NAA10: variants seen among roughly 807,000 people sequenced by gnomAD.
NAA10 encodes N-alpha-acetyltransferase 10.
NAA10 carries 6 observed loss-of-function variants against 19.2 expected under a neutral mutation model. The observed-to-expected ratio is 0.31, with a 90% CI of 0.17 to 0.62. The LOEUF (loss-of-function observed/expected upper bound fraction) is 0.62, where lower values mean the gene tolerates loss of function less well. Among genes scored for constraint, NAA10 ranks in the 20% least tolerant of loss-of-function variants. The pLI, the probability that NAA10 is intolerant of heterozygous loss-of-function variation, is 0.83. For missense variants in NAA10, 101 were observed against 198.4 expected (o/e 0.51, Z 2.95); for synonymous variants, 97 against 79.9 (o/e 1.21, Z -1.14).
chrX:153,934,328 A>G (rs201112445), intron 2 of NAA10, 49 bp downstream of exon 2: 102 of 1,049,751 alleles, frequency 9.7e-5, no homozygotes, highest in Non-Finnish European at 1.3e-4. Context: ...GCCAGATGGG[A>G]TTTTCCTCGG....
chrX:153,933,229 C>T (rs1308705878), intron 3 of NAA10, among the ~76,000 whole-genome samples: 10 of 111,665 alleles, frequency 9.0e-5, no homozygotes, highest in Admixed American at 8.6e-4. Flanking sequence ...GTGGTTGCCA[C>T]GGGTTAAGGA....
In NAA10 at chrX:153,929,669, G is replaced by A. The variant is rs1289190812; in HGVS notation, c.*318C>T. 11 of 332,596 alleles carry A rather than the reference G, an allele frequency of 3.3e-5. 1 individual carries two copies. Among genetic ancestry groups the A allele is most frequent in the East Asian group, 1.7e-4 (3 of 17,678 alleles). The allele number at this position is 332,596 out of a possible 1,213,427, so 27.4% of individuals were successfully genotyped here. On this transcript the variant is annotated 3_prime_UTR_variant, in exon 8 of 8. Coordinates refer to ENST00000464845, the MANE Select transcript of NAA10 (RefSeq NM_003491.4). The stretch of plus-strand genomic sequence containing the variant: ...TTGAGCTTTGAGCCTGAGCAGCCCC[G>A]GCTTGTGCCACAAAACACATTCAGC...
At chrX:153,931,549 G>T in intron 6 of NAA10, 1 of 813,969 alleles carries the variant, frequency 1.2e-6, no homozygotes, top group Non-Finnish European at 1.5e-6. Flanking sequence ...ACTGTCTACT[G>T]GGCATGCCAA....
In NAA10 at chrX:153,934,946, G is replaced by A. The variant is rs1557108117; in HGVS notation, c.-42C>T. On this transcript the variant is annotated 5_prime_UTR_variant, in exon 1 of 8. Transcript: ENST00000464845. ...GCGGGTCCCAGCGGATCGTGAAGGC[G>A]CAGTCAGCTGCCGCCGCGCTCCGAA... 1 of 973,930 alleles carries A rather than the reference G, an allele frequency of 1.0e-6. No individual in the cohort carries two copies. Among genetic ancestry groups the A allele is most frequent in the Non-Finnish European group, 1.3e-6 (1 of 767,628 alleles). The allele number at this position is 973,930 out of a possible 1,213,427, so 80.3% of individuals were successfully genotyped here.
At chrX:153,931,028 A>T (rs2092002296) in intron 6 of NAA10, 181 bp from the exon 7 acceptor site, 1 of 1,154,900 alleles carries the variant, frequency 8.7e-7, no homozygotes. Flanking sequence ...TCCAGGACAC[A>T]GCGGCCCGCC....
At chrX:153,932,869 CT>C (rs1206002752) in intron 3 of NAA10, 32 of 362,131 alleles carry the variant, frequency 8.8e-5, no homozygotes, top group Admixed American at 1.4e-4. Context: ...CTGGACAACA[CT>C]TTTTTTTGTC....
intron 2 of NAA10, 48 bp from the exon 3 acceptor site, chrX:153,934,049 G>A (rs782151496): frequency 9.2e-7 from 1 of 1,091,899 alleles, no homozygotes; most frequent in Admixed American, 2.2e-5. Context: ...GGAGCTAGAA[G>A]AGCCCTTTAG....
At position 153,934,993 on chromosome X, in the gene NAA10, C is replaced by A. The variant is rs1199020902; in HGVS notation, c.-89G>T. On this transcript the variant is annotated 5_prime_UTR_variant, in exon 1 of 8. Transcript: ENST00000464845. ...CGAAGCGACGCCGGGACGGCCGGGG[C>A]TGGGACCGGAGCTGGGCTCGCTGGG... 5.0e-5 allele frequency: 43 copies of A among 863,763 alleles called. No homozygotes were observed. Among genetic ancestry groups the A allele is most frequent in the Non-Finnish European group, 5.9e-5 (41 of 691,984 alleles). The allele number at this position is 863,763 out of a possible 1,213,427, so 71.2% of individuals were successfully genotyped here.
In NAA10 at chrX:153,930,329, G is replaced by C. The variant is rs2065159320; in HGVS notation, c.472-106C>G. The C allele has an allele frequency of 8.1e-6, 6 of 743,407 alleles. No individual in the cohort carries two copies. In the East Asian group the frequency reaches 1.9e-4, roughly 24 times the overall value. 61.3% of individuals were successfully genotyped at this position (743,407 alleles called of 1,213,427 possible). On this transcript the variant is annotated intron_variant, in intron 7 of 7. Coordinates refer to ENST00000464845, the MANE Select transcript of NAA10 (RefSeq NM_003491.4). ...CTGGCTGAGGAGAGGGGCATAGTGA[G>C]GCAGCAGGGCTAGGCAGGACACGCG...
rs200364592 is a variant in NAA10, at chrX:153,930,167, G to A, written c.528C>T (p.Ile176=). Reference sequence around the variant, plus strand: ...TGCCTTTGCTCTCCACCTTGTTCTCGATGGCACCCAGCACCACGTGCCTGC... The same window carrying A: ...TGCCTTTGCTCTCCACCTTGTTCTCAATGGCACCCAGCACCACGTGCCTGC... The part of the protein sequence containing the change: ...EKGRHVVLGA[I]ENKVESKGNS... The change falls in exon 8 of 8, where the codon ATC becomes ATT. Residue 176 remains isoleucine, a synonymous_variant. Transcript: ENST00000464845. The A allele has an allele frequency of 1.7e-5, 20 of 1,209,322 alleles. No individual in the cohort carries two copies. Among genetic ancestry groups the A allele is most frequent in the East Asian group, 5.9e-5 (2 of 33,770 alleles).
intron 1 of NAA10, 64 bp from the exon 2 acceptor site, chrX:153,934,539 C>CCTGCTCCCCGTCGGT: frequency 1.1e-6 from 1 of 914,923 alleles, no homozygotes; most frequent in South Asian, 2.1e-5. Context: ...GGGTGAGAAG[C>CCTGCTCCCCGTCGGT]CTGCTCCCCG....
chrX:153,929,990 G>A lies in NAA10; in HGVS notation c.705C>T (p.Ser235=). 1 of 1,206,699 alleles carries A rather than the reference G, an allele frequency of 8.3e-7. No homozygotes were observed. The highest frequency in any genetic ancestry group is 1.8e-5 in the South Asian group (1 of 56,806). The change falls in exon 8 of 8, where the codon TCC becomes TCT. Residue 235 remains serine (S), a synonymous_variant. Coordinates refer to ENST00000464845, the MANE Select transcript of NAA10 (RefSeq NM_003491.4). ...TGAGGAGGGGATGGGGCAGGCTCTA[G>A]GAGGCTGAGTCGGAGGCCTCTGAGC... ...KDSSEASDSA[S]
chrX:153,933,783 G>T, intron 3 of NAA10, 160 bp downstream of exon 3: 1 of 461,525 alleles, frequency 2.2e-6, no homozygotes. Flanking sequence ...GGCAGGGAGG[G>T]GATGCTGAGG....
At chrX:153,932,615 G>A (rs782556735) in intron 3 of NAA10, 31 bp from the exon 4 acceptor site, 98 of 1,179,661 alleles carry the variant, frequency 8.3e-5, no homozygotes, top group Middle Eastern at 2.4e-4. Flanking sequence ...GGCTGCAAAG[G>A]AGCTCAGTGT....
Position 153,931,577 on chromosome X carries a change from G to C in NAA10, c.386+494C>G, listed in dbSNP as rs781938958. 1.1e-3 allele frequency: 891 copies of C among 821,811 alleles called. 3 individuals carry two copies. Among genetic ancestry groups the C allele is most frequent in the Non-Finnish European group, 1.2e-3 (804 of 682,240 alleles). The allele number at this position is 821,811 out of a possible 1,213,427, so 67.7% of individuals were successfully genotyped here. ...CATGCCAACTGCCAGGTTCTCTCTAGTGTGCTAGGCACACGGGGCCTCCTG... is the reference window on the plus strand; with the variant it reads ...CATGCCAACTGCCAGGTTCTCTCTACTGTGCTAGGCACACGGGGCCTCCTG... On this transcript the variant is annotated intron_variant, in intron 6 of 7. Transcript: ENST00000464845.
Position 153,929,734 on chromosome X carries a change from G to A in NAA10, c.*253C>T, listed in dbSNP as rs782353068. ...CTCCAAGGCAGGGTCTCTCCCATAA[G>A]TCCAGGGCCTCCTTCCCCGGGGCCA... On this transcript the variant is annotated 3_prime_UTR_variant, in exon 8 of 8. Transcript: ENST00000464845. 13 of 422,677 alleles carry A rather than the reference G, an allele frequency of 3.1e-5. No individual in the cohort carries two copies. The highest frequency in any genetic ancestry group is 5.4e-5 in the Non-Finnish European group (13 of 242,857). 34.8% of individuals were successfully genotyped at this position (422,677 alleles called of 1,213,427 possible).
Position 153,932,371 on chromosome X carries a change from G to T in NAA10, c.286C>A (p.Arg96=), listed in dbSNP as rs1557107537. ...LAQKLMDQAS[R]AMIENFNAKY... is the part of the protein sequence containing the mutation. ...GCATTGAAGTTCTCTATCATGGCTC[G>T]AGAGGCCTGGTCCATCAGTTTCTGA... Residue 96 remains arginine, a synonymous_variant, in exon 5 of 8, where the codon CGA becomes AGA. Transcript: ENST00000464845. 6.6e-6 allele frequency: 8 copies of T among 1,211,278 alleles called. No homozygotes were observed. Among genetic ancestry groups the T allele is most frequent in the Non-Finnish European group, 8.9e-6 (8 of 895,315 alleles).
rs910640135 is a variant in NAA10, at chrX:153,933,960, C to G, written c.162G>C (p.Gly54=). ...TGACTCACATTTTGGCCAGGACATA[C>G]CCCACAATCTTCCCATTCTCGTCCT... ...IAEDENGKIV[G]YVLAKMEEDP... Residue 54 remains glycine (G), a synonymous_variant, in exon 3 of 8, where the codon GGG becomes GGC. Transcript: ENST00000464845. 1.5e-5 allele frequency: 18 copies of G among 1,209,174 alleles called. No homozygotes were observed. The highest frequency in any genetic ancestry group is 2.0e-5 in the Non-Finnish European group (18 of 894,551).
In NAA10 at chrX:153,932,675, T is replaced by C. The variant is rs4898373; in HGVS notation, c.180-91A>G. ...TGCCATTTGTAGAGTGGACATGCAC[T>C]ACAGCCCCCTAAGACCCCAGCTGGG... On this transcript the variant is annotated intron_variant, in intron 3 of 7. Transcript: ENST00000464845. 10,413 of 850,498 alleles carry C rather than the reference T, an allele frequency of 0.012. 185 individuals carry two copies. Among genetic ancestry groups the C allele is most frequent in the Admixed American group, 0.066 (2,512 of 38,229 alleles). 70.1% of individuals were successfully genotyped at this position (850,498 alleles called of 1,213,427 possible).
Sources: allele counts gnomAD v4.1 joint callset (sites outside exome capture counted in the v4.1 genomes callset), GRCh38; gene constraint gnomAD v4.1.1; transcripts MANE v1.5; gene names NCBI Gene and HGNC (gene_info 2026-07-23, HGNC 2026-07-21).